Variants in S100A8 observed in about 807,000 individuals in gnomAD.
S100A8 encodes protein S100-A8.
A neutral mutation model predicts 4.2 loss-of-function variants in S100A8; 1 was observed. That is an observed-to-expected ratio of 0.24 (90% CI 0.08 to 1.12). The LOEUF (loss-of-function observed/expected upper bound fraction) is 1.12, where lower values mean the gene tolerates loss of function less well. S100A8 is among the 50% of genes most tolerant of loss of function. The pLI is 0.53. For synonymous variants in S100A8, 41 were observed against 44.7 expected (o/e 0.92, Z 0.33); for missense variants, 96 against 111.8 (o/e 0.86, Z 0.64).
the S100A8 span, among the ~76,000 whole-genome samples, chr1:153,407,178 C>T: frequency 6.6e-6 from 1 of 152,218 alleles, no homozygotes; most frequent in African/African-American, 2.4e-5. Flanking sequence ...AGCATCACCT[C>T]ACCCAGGAAG....
At chr1:153,411,574 C>T in the S100A8 span, among the ~76,000 whole-genome samples, 1 of 152,156 alleles carries the variant, frequency 6.6e-6, no homozygotes, top group Admixed American at 6.5e-5. Flanking sequence ...TTTGTAGATT[C>T]AATGCCATCC....
chr1:153,419,459 C>A, the S100A8 span: 6 of 889,548 alleles, frequency 6.7e-6, no homozygotes, highest in Non-Finnish European at 1.0e-5. Flanking sequence ...TTCCCCCACC[C>A]CCATCCAGTG....
At chr1:153,407,061 A>T in the S100A8 span, among the ~76,000 whole-genome samples, 1 of 152,188 alleles carries the variant, frequency 6.6e-6, no homozygotes, top group African/African-American at 2.4e-5. Flanking sequence ...AAGACAGGTG[A>T]TTTCTGCATT....
the S100A8 span, among the ~76,000 whole-genome samples, chr1:153,416,088 C>T: frequency 6.6e-6 from 1 of 152,150 alleles, no homozygotes; most frequent in African/African-American, 2.4e-5. Flanking sequence ...GTCTTGATGT[C>T]TAGACATTAA....
At chr1:153,418,469 G>A in the S100A8 span, among the ~76,000 whole-genome samples, 3 of 152,174 alleles carry the variant, frequency 2.0e-5, no homozygotes, top group Non-Finnish European at 4.4e-5. Flanking sequence ...GCAGCTTGAG[G>A]ACAGTGCACA....
At chr1:153,410,565 G>A in the S100A8 span, among the ~76,000 whole-genome samples, 2 of 152,142 alleles carry the variant, frequency 1.3e-5, no homozygotes, top group Non-Finnish European at 2.9e-5. Flanking sequence ...AGAGGAAATG[G>A]TACCATTCCT....
At chr1:153,391,598 A>T (rs1009638767), upstream of S100A8, among the ~76,000 whole-genome samples, 4 of 152,272 alleles carry the variant, frequency 2.6e-5, no homozygotes, top group African/African-American at 9.6e-5. Flanking sequence ...ATTACTAAAA[A>T]CTAAAACTAT....
chr1:153,411,104 A>C, the S100A8 span, among the ~76,000 whole-genome samples: 1 of 152,176 alleles, frequency 6.6e-6, no homozygotes. Flanking sequence ...ACTCCTATTC[A>C]ACATAGTGTT....
chr1:153,413,772 G>A, the S100A8 span, among the ~76,000 whole-genome samples: 1 of 148,406 alleles, frequency 6.7e-6, no homozygotes, highest in Admixed American at 8.0e-5. Context: ...ATAGTGGCAG[G>A]CGCCTATAAT....
chr1:153,399,492 T>C, the S100A8 span, among the ~76,000 whole-genome samples: 1 of 152,080 alleles, frequency 6.6e-6, no homozygotes, highest in Non-Finnish European at 1.5e-5. Context: ...CTCCCTGGGG[T>C]GTCCTCCCTC....
intron 1 of S100A8, 142 bp from the exon 2 acceptor site, chr1:153,390,699 C>G: frequency 1.9e-6 from 2 of 1,042,564 alleles, no homozygotes; most frequent in Middle Eastern, 2.5e-4. Flanking sequence ...ATGGCTATGG[C>G]TCTGGTGGGA....
chr1:153,422,458 C>T, the S100A8 span: 1 of 935,218 alleles, frequency 1.1e-6, no homozygotes, highest in South Asian at 4.9e-5. Flanking sequence ...TTAATAGCTA[C>T]TGGACATTAT....
At chr1:153,405,717 C>A in the S100A8 span, among the ~76,000 whole-genome samples, 1 of 152,194 alleles carries the variant, frequency 6.6e-6, no homozygotes, top group African/African-American at 2.4e-5. Flanking sequence ...TGTCCCCCAC[C>A]TCCTCAGGTC....
upstream of S100A8, chr1:153,391,321 G>C (rs1414311369): frequency 7.3e-6 from 3 of 411,360 alleles, no homozygotes; most frequent in African/African-American, 6.5e-5. Context: ...CTCTTTTTCT[G>C]GGCTGCTGGC....
At chr1:153,398,632 C>G in the S100A8 span, among the ~76,000 whole-genome samples, 4 of 152,206 alleles carry the variant, frequency 2.6e-5, no homozygotes, top group Non-Finnish European at 5.9e-5. Flanking sequence ...ATCACCCTGT[C>G]AGATCAGCAG....
the S100A8 span, among the ~76,000 whole-genome samples, chr1:153,407,131 T>G: frequency 6.6e-6 from 1 of 152,068 alleles, no homozygotes; most frequent in Non-Finnish European, 1.5e-5. Flanking sequence ...AGCAATACAG[T>G]GGATGCAGCC....
chr1:153,419,212 T>C, the S100A8 span: 25 of 1,614,066 alleles, frequency 1.5e-5, 1 homozygote, highest in South Asian at 1.8e-4. Flanking sequence ...GATAAGAAGA[T>C]TGATTTTTCT....
At chr1:153,406,070 G>A in the S100A8 span, among the ~76,000 whole-genome samples, 1 of 152,024 alleles carries the variant, frequency 6.6e-6, no homozygotes, top group Admixed American at 6.6e-5. Context: ...CTCTCACCGT[G>A]GCTCCTGGAA....
At chr1:153,391,247 G>A (rs1662090247), upstream of S100A8, 1 of 975,024 alleles carries the variant, frequency 1.0e-6, no homozygotes, top group Admixed American at 6.2e-5. Context: ...GGAGGTAGGA[G>A]AAGCGGAAAG....
Sources: gnomAD v4.1 joint callset for allele counts (sites outside exome capture counted in the v4.1 genomes callset) on GRCh38, gnomAD v4.1.1 for gene constraint, MANE v1.5 for transcripts, NCBI Gene and HGNC (gene_info 2026-07-23, HGNC 2026-07-21) for gene names.